Variants in TRPC4 observed in about 807,000 individuals in gnomAD.
TRPC4 encodes transient receptor potential cation channel subfamily C member 4, also known as short transient receptor potential channel 4.
In TRPC4, 49 loss-of-function variants were observed where a neutral mutation model predicts 99.4. The observed-to-expected ratio is 0.49, with a 90% CI of 0.39 to 0.63. TRPC4 has a LOEUF of 0.63. Among genes scored for constraint, TRPC4 ranks in the 20% least tolerant of loss-of-function variants. The probability of loss-of-function intolerance (pLI) is 0.00; values close to 1 mark genes in which losing one functional copy is unlikely to be tolerated. For synonymous variants in TRPC4, 454 were observed against 425.9 expected, an observed-to-expected ratio of 1.07 and a Z score of -0.81; for missense variants, 898 against 1,152.9, an observed-to-expected ratio of 0.78 and a Z score of 3.20.
At chr13:37,821,820 A>T (rs565720093) in intron 1 of TRPC4, among the ~76,000 whole-genome samples, 72 of 152,306 alleles carry the variant, frequency 4.7e-4, no homozygotes, top group Non-Finnish European at 9.1e-4. Flanking sequence ...CTCAAGATAG[A>T]TTAAAGACTT....
intron 2 of TRPC4, among the ~76,000 whole-genome samples, chr13:37,780,651 A>C (rs1956813407): frequency 1.3e-5 from 2 of 152,124 alleles, no homozygotes; most frequent in Non-Finnish European, 2.9e-5. Flanking sequence ...GAATTACCAA[A>C]GAAAATCACA....
chr13:37,691,405 G>C (rs1342936083), intron 4 of TRPC4, among the ~76,000 whole-genome samples: 3 of 152,140 alleles, frequency 2.0e-5, no homozygotes, highest in African/African-American at 7.2e-5. Flanking sequence ...CACCCGGCGG[G>C]AAAACAAGAT....
chr13:37,866,024 A>C (rs929706876), intron 1 of TRPC4, among the ~76,000 whole-genome samples: 2 of 151,692 alleles, frequency 1.3e-5, no homozygotes, highest in African/African-American at 4.8e-5. Context: ...GTTTCAGGTA[A>C]ATTTGAACTC....
At chr13:37,710,843 A>G (rs961360185) in intron 3 of TRPC4, among the ~76,000 whole-genome samples, 1 of 151,940 alleles carries the variant, frequency 6.6e-6, no homozygotes, top group Non-Finnish European at 1.5e-5. Context: ...GAATGAAAGC[A>G]ATTATTTTTT....
At chr13:37,736,925 G>A (rs1164912971) in intron 3 of TRPC4, among the ~76,000 whole-genome samples, 1 of 140,838 alleles carries the variant, frequency 7.1e-6, no homozygotes, top group East Asian at 2.0e-4. Flanking sequence ...TAGAGACAAG[G>A]TTGCACCGTG....
intron 1 of TRPC4, among the ~76,000 whole-genome samples, chr13:37,860,482 A>T (rs1429607638): frequency 6.6e-6 from 1 of 151,420 alleles, no homozygotes; most frequent in Non-Finnish European, 1.5e-5. Context: ...CCTTTCTTAA[A>T]ACCTTTTTGT....
At chr13:37,715,619 G>T (rs1954636100) in intron 3 of TRPC4, among the ~76,000 whole-genome samples, 1 of 152,138 alleles carries the variant, frequency 6.6e-6, no homozygotes, top group South Asian at 2.1e-4. Flanking sequence ...AAAACAATTT[G>T]AAATATTGCT....
Position 37,636,940 on chromosome 13 carries a change from G to C in TRPC4, c.2897C>G (p.Thr966Arg), listed in dbSNP as rs1566056615. Reference sequence around the variant, plus strand: ...GGTCACGTAATCTTCGTGGGTGACTGTGTCTGGGAGGTTTAGATCATAGTC... The same window carrying C: ...GGTCACGTAATCTTCGTGGGTGACTCTGTCTGGGAGGTTTAGATCATAGTC... The part of the protein sequence containing the change: ...SIDYDLNLPD[T>R]VTHEDYVTTR... The change falls in exon 11 of 11, where the codon ACA (threonine) becomes AGA (arginine). Residue 966 changes from threonine (T) to arginine (R), a missense_variant. Thr to Arg is a moderately conservative substitution (Grantham distance 71). This residue lies in a region of TRPC4 where 346 missense variants were observed against 351.4 expected (regional missense o/e 0.98). Transcript: ENST00000379705. 10 of 1,613,104 alleles carry C rather than the reference G, an allele frequency of 6.2e-6. No homozygotes were observed. The highest frequency in any genetic ancestry group is 5.9e-6 in the Non-Finnish European group (7 of 1,179,462).
chr13:37,734,124 T>C (rs1223847976), intron 3 of TRPC4, among the ~76,000 whole-genome samples: 2 of 152,286 alleles, frequency 1.3e-5, no homozygotes, highest in East Asian at 3.9e-4. Flanking sequence ...TCCATGAATC[T>C]GCACAGAGTA....
rs998126897 is a variant in TRPC4, at chr13:37,635,836, A to G, written c.*1067T>C. The stretch of plus-strand genomic sequence containing the variant: ...TTCCTATAGGCAAAACTATATATCT[A>G]TATCTGCTGATAAAATTAATAATGA... On this transcript the variant is annotated 3_prime_UTR_variant, in exon 11 of 11. Coordinates refer to ENST00000379705, the MANE Select transcript of TRPC4 (RefSeq NM_016179.4). Among the ~76,000 whole-genome samples the G allele has an allele frequency of 1.3e-5, 2 of 152,122 alleles. No individual in the cohort carries two copies. Among genetic ancestry groups the G allele is most frequent in the African/African-American group, 4.8e-5 (2 of 41,446 alleles).
intron 1 of TRPC4, among the ~76,000 whole-genome samples, chr13:37,822,429 C>T (rs1958042040): frequency 6.7e-6 from 1 of 149,984 alleles, no homozygotes; most frequent in Admixed American, 6.7e-5. Flanking sequence ...TCCCCCCCCA[C>T]CCCACAACAG....
chr13:37,719,355 G>GA (rs573332824), intron 3 of TRPC4, among the ~76,000 whole-genome samples: 1 of 151,218 alleles, frequency 6.6e-6, no homozygotes, highest in South Asian at 2.1e-4. Context: ...CTTATAAAAA[G>GA]AAAAAAATGA....
chr13:37,840,780 A>T (rs1958710184), intron 1 of TRPC4, among the ~76,000 whole-genome samples: 1 of 152,050 alleles, frequency 6.6e-6, no homozygotes, highest in African/African-American at 2.4e-5. Flanking sequence ...AGCCACCAAA[A>T]GTTGGCCTTC....
At chr13:37,764,910 C>G (rs776792630) in intron 2 of TRPC4, among the ~76,000 whole-genome samples, 1 of 146,052 alleles carries the variant, frequency 6.8e-6, no homozygotes, top group African/African-American at 2.5e-5. Flanking sequence ...CTAATTTTTG[C>G]TTAAGATTTT....
At chr13:37,760,681 G>A (rs184955895) in intron 2 of TRPC4, among the ~76,000 whole-genome samples, 7 of 151,968 alleles carry the variant, frequency 4.6e-5, no homozygotes, top group Admixed American at 2.0e-4. Context: ...ACACAAATTC[G>A]CAAACTTTCC....
intron 1 of TRPC4, among the ~76,000 whole-genome samples, chr13:37,828,458 A>T (rs551677454): frequency 6.6e-6 from 1 of 152,358 alleles, no homozygotes; most frequent in South Asian, 2.1e-4. Flanking sequence ...TCAAAATACC[A>T]TTTAACACAC....
chr13:37,706,875 G>A (rs1342030037), intron 3 of TRPC4, among the ~76,000 whole-genome samples: 1 of 152,122 alleles, frequency 6.6e-6, no homozygotes, highest in African/African-American at 2.4e-5. Context: ...TACAGGAACT[G>A]ATGAAAGAAG....
At chr13:37,741,959 G>A (rs1955604952) in intron 3 of TRPC4, among the ~76,000 whole-genome samples, 1 of 149,330 alleles carries the variant, frequency 6.7e-6, no homozygotes, top group African/African-American at 2.5e-5. Flanking sequence ...GCAACAAATA[G>A]TTCATACTTC....
Position 37,663,600 on chromosome 13 carries a change from G to A in TRPC4, c.1504C>T (p.Leu502=). The change falls in exon 6 of 11, where the codon CTG becomes TTG. Residue 502 remains leucine, a synonymous_variant. Transcript: ENST00000379705. Reference sequence around the variant, plus strand: ...CCCAGAGATATTTGCAGAGGTCCCAGGTGAGAATTTGCAGTAAACAGTGAG... The same window carrying A: ...CCCAGAGATATTTGCAGAGGTCCCAAGTGAGAATTTGCAGTAAACAGTGAG... ...LISLFTANSH[L]GPLQISLGRM... is the part of the protein sequence containing the mutation. 1 of 1,614,146 alleles carries A rather than the reference G, an allele frequency of 6.2e-7. No homozygotes were observed.
Sources: allele counts gnomAD v4.1 joint callset (sites outside exome capture counted in the v4.1 genomes callset), GRCh38; gene constraint gnomAD v4.1.1; regional missense constraint gnomAD v4.1.1; transcripts MANE v1.5; gene names NCBI Gene and HGNC (gene_info 2026-07-23, HGNC 2026-07-21).